Variants in MTUS2 observed in about 807,000 individuals in gnomAD.
The protein encoded by MTUS2 is microtubule-associated tumor suppressor candidate 2.
MTUS2 carries 40 observed loss-of-function variants against 114.1 expected under a neutral mutation model. The observed-to-expected ratio is 0.35, with a 90% CI of 0.27 to 0.46. MTUS2 has a LOEUF of 0.46. Among genes scored for constraint, MTUS2 ranks in the 20% least tolerant of loss-of-function variants. The pLI, the probability that MTUS2 is intolerant of heterozygous loss-of-function variation, is 1.00. For synonymous variants in MTUS2, 688 were observed against 672.0 expected (o/e 1.02, Z -0.37); for missense variants, 1,679 against 1,705.4 (o/e 0.98, Z 0.27).
chr13:29,328,355 T>C (rs541206966), intron 7 of MTUS2, among the ~76,000 whole-genome samples: 7 of 152,344 alleles, frequency 4.6e-5, no homozygotes, highest in Non-Finnish European at 8.8e-5. Flanking sequence ...ATTTTATACA[T>C]TTCAGGGAGA....
chr13:29,169,694 A>G (rs2070192859), intron 5 of MTUS2, among the ~76,000 whole-genome samples: 2 of 152,156 alleles, frequency 1.3e-5, no homozygotes, highest in Admixed American at 1.3e-4. Flanking sequence ...CTGTGCAAGT[A>G]TTTAATTTTT....
intron 8 of MTUS2, among the ~76,000 whole-genome samples, chr13:29,421,640 G>T (rs1404558520): frequency 1.3e-5 from 2 of 152,192 alleles, no homozygotes; most frequent in Non-Finnish European, 2.9e-5. Flanking sequence ...CATGAGTGTG[G>T]CATAGCAAGG....
intron 5 of MTUS2, among the ~76,000 whole-genome samples, chr13:29,281,042 T>G (rs1284169319): frequency 6.6e-6 from 1 of 152,198 alleles, no homozygotes; most frequent in Non-Finnish European, 1.5e-5. Flanking sequence ...AAACTGCAAT[T>G]ATCAATAAAT....
chr13:29,023,370 A>G (rs1886373287), intron 2 of MTUS2, among the ~76,000 whole-genome samples: 1 of 152,202 alleles, frequency 6.6e-6, no homozygotes, highest in Admixed American at 6.5e-5. Context: ...AAACCTATAG[A>G]AAAGTTGCAG....
intron 9 of MTUS2, among the ~76,000 whole-genome samples, chr13:29,443,241 G>C (rs564630827): frequency 3.0e-4 from 46 of 152,286 alleles, no homozygotes; most frequent in Non-Finnish European, 5.0e-4. Context: ...AAAGATAAAA[G>C]ATGGAAATTT....
At position 29,479,697 on chromosome 13, in the gene MTUS2, G is replaced by A. The variant is rs188325088; in HGVS notation, c.3185-453G>A. Among the ~76,000 whole-genome samples, 316 of 152,336 alleles carry A rather than the reference G, an allele frequency of 2.1e-3. 3 individuals carry two copies. The highest frequency in any genetic ancestry group is 2.7e-3 in the Non-Finnish European group (185 of 68,028). The stretch of plus-strand genomic sequence containing the variant: ...GTGCAGCTCTCAAGTCTTGATGGAC[G>A]TAAGAGTCACCCAGGGGTTTTGCTA... On this transcript the variant is annotated intron_variant, in intron 9 of 15. Transcript: ENST00000612955.
intron 2 of MTUS2, among the ~76,000 whole-genome samples, chr13:28,870,825 A>C (rs926877022): frequency 6.6e-6 from 1 of 152,194 alleles, no homozygotes; most frequent in Non-Finnish European, 1.5e-5. Context: ...CCTCCTCCCC[A>C]TGAATGACAC....
intron 11 of MTUS2, among the ~76,000 whole-genome samples, chr13:29,491,638 GTGTA>G (rs893607121): frequency 7.4e-5 from 11 of 149,428 alleles, no homozygotes; most frequent in South Asian, 2.1e-4. Flanking sequence ...ATTAGTAGGT[GTGTA>G]TGTGTGTGTG....
At position 29,161,228 on chromosome 13, in the gene MTUS2, A is replaced by G. The variant is rs1007641248; in HGVS notation, c.2644+60258A>G. ...TTAAACAAGATCAGCAGATTGTATC[A>G]ATGTCTGTATCCTGATTGTGATATT... On this transcript the variant is annotated intron_variant, in intron 5 of 15. Coordinates refer to ENST00000612955, the MANE Select transcript of MTUS2 (RefSeq NM_001033602.4). Among the ~76,000 whole-genome samples, 3 of 152,188 alleles carry G rather than the reference A, an allele frequency of 2.0e-5. No individual in the cohort carries two copies. The East Asian group carries it at 5.8e-4, about 29-fold the overall frequency.
chr13:29,010,210 C>A (rs1164123445), intron 2 of MTUS2, among the ~76,000 whole-genome samples: 291 of 116,154 alleles, frequency 2.5e-3, no homozygotes, highest in Admixed American at 2.9e-3. Flanking sequence ...GACTCCGTCT[C>A]AAAAAAAAAA....
At chr13:29,159,976 G>A (rs1173232060) in intron 5 of MTUS2, among the ~76,000 whole-genome samples, 1 of 152,242 alleles carries the variant, frequency 6.6e-6, no homozygotes, top group Non-Finnish European at 1.5e-5. Flanking sequence ...ATGCAATCCA[G>A]TGATTGTATT....
chr13:29,294,016 A>C (rs1898830911), intron 6 of MTUS2, among the ~76,000 whole-genome samples: 2 of 152,136 alleles, frequency 1.3e-5, no homozygotes, highest in South Asian at 4.1e-4. Context: ...TTCTTTCTAT[A>C]TTGTCAGAAT....
chr13:28,902,320 G>T (rs1301424536), intron 2 of MTUS2, among the ~76,000 whole-genome samples: 1 of 151,898 alleles, frequency 6.6e-6, no homozygotes, highest in African/African-American at 2.4e-5. Context: ...TCTTTTTCTT[G>T]CCATATTTTG....
chr13:29,112,833 CATATCAGGT>C (rs72098896), intron 5 of MTUS2, among the ~76,000 whole-genome samples: 99 of 152,212 alleles, frequency 6.5e-4, no homozygotes, highest in Non-Finnish European at 1.3e-3. Flanking sequence ...TCAAGGAGGT[CATATCAGGT>C]CGCCTCATTT....
intron 2 of MTUS2, among the ~76,000 whole-genome samples, chr13:28,845,348 C>T (rs1325992073): frequency 6.6e-6 from 1 of 152,186 alleles, no homozygotes; most frequent in Non-Finnish European, 1.5e-5. Context: ...CTACCATTTT[C>T]CTGACACTTT....
intron 2 of MTUS2, among the ~76,000 whole-genome samples, chr13:28,964,168 T>C (rs910532185): frequency 1.3e-5 from 2 of 152,196 alleles, no homozygotes; most frequent in African/African-American, 4.8e-5. Flanking sequence ...AAAGTAGTTT[T>C]CCTAATTCTT....
At chr13:29,140,861 A>G (rs1304845039) in intron 5 of MTUS2, among the ~76,000 whole-genome samples, 1 of 152,158 alleles carries the variant, frequency 6.6e-6, no homozygotes, top group Non-Finnish European at 1.5e-5. Flanking sequence ...AAAACACAGC[A>G]AAGTATATGC....
At chr13:29,008,680 C>T (rs757805647) in intron 2 of MTUS2, among the ~76,000 whole-genome samples, 16 of 152,250 alleles carry the variant, frequency 1.1e-4, no homozygotes, top group Admixed American at 2.6e-4. Flanking sequence ...ACCAAATACT[C>T]GCTTTTACTG....
chr13:28,823,209 C>T (rs1874027641), intron 1 of MTUS2, among the ~76,000 whole-genome samples: 1 of 152,234 alleles, frequency 6.6e-6, no homozygotes, highest in South Asian at 2.1e-4. Flanking sequence ...CAGGATTGGT[C>T]TCTAATACGA....
Sources: gnomAD v4.1 joint callset for allele counts (sites outside exome capture counted in the v4.1 genomes callset) on GRCh38, gnomAD v4.1.1 for gene constraint, MANE v1.5 for transcripts, NCBI Gene and HGNC (gene_info 2026-07-23, HGNC 2026-07-21) for gene names.